NCR1: variants seen among roughly 807,000 people sequenced by gnomAD.
NCR1 encodes natural cytotoxicity triggering receptor 1, also known as NK cell-activating receptor.
Under a neutral mutation model 32.5 loss-of-function variants are expected in NCR1, and 30 were observed. That is an observed-to-expected ratio of 0.92 (90% CI 0.69 to 1.25). NCR1 has a LOEUF of 1.25. Among genes scored for constraint, NCR1 ranks in the 50% most tolerant of loss-of-function variants. The pLI is 0.00. For synonymous variants in NCR1, 169 were observed against 143.4 expected, an observed-to-expected ratio of 1.18 and a Z score of -1.28; for missense variants, 369 against 380.7, an observed-to-expected ratio of 0.97 and a Z score of 0.26.
the NCR1 span, among the ~76,000 whole-genome samples, chr19:54,929,224 C>A: frequency 6.6e-6 from 1 of 151,994 alleles, no homozygotes; most frequent in African/African-American, 2.4e-5. Flanking sequence ...CAAAAATTAG[C>A]TGGGTATGGT....
chr19:54,926,872 C>T, the NCR1 span, among the ~76,000 whole-genome samples: 4,457 of 146,762 alleles, frequency 0.03, 92 homozygotes, highest in Non-Finnish European at 0.046. Flanking sequence ...GCCGAGATAG[C>T]GCCACTGCAC....
At chr19:54,902,486 C>T (rs899559915), upstream of NCR1, among the ~76,000 whole-genome samples, 4 of 151,452 alleles carry the variant, frequency 2.6e-5, no homozygotes, top group Non-Finnish European at 5.9e-5. Context: ...TTTTTTTTTC[C>T]CCCAGGCTCG....
At chr19:54,933,971 C>T in the NCR1 span, among the ~76,000 whole-genome samples, 1 of 152,184 alleles carries the variant, frequency 6.6e-6, no homozygotes, top group Non-Finnish European at 1.5e-5. Context: ...GAGACGGAGT[C>T]TCGCTCTGTC....
intron 3 of NCR1, 120 bp downstream of exon 3, chr19:54,906,927 AG>A (rs1182349396): frequency 4.1e-6 from 5 of 1,214,676 alleles, no homozygotes; most frequent in Admixed American, 2.2e-5. Flanking sequence ...GGCTGGAAGG[AG>A]GGGTGATCCC....
chr19:54,929,721 C>A, the NCR1 span, among the ~76,000 whole-genome samples: 1 of 152,090 alleles, frequency 6.6e-6, no homozygotes, highest in Non-Finnish European at 1.5e-5. Flanking sequence ...TTCTCCAGGC[C>A]CTCTACCTGA....
chr19:54,906,591 A>G lies in NCR1; in HGVS notation c.139A>G (p.Ile47Val), dbSNP rs774314641. 1 of 1,614,028 alleles carries G rather than the reference A, an allele frequency of 6.2e-7. No homozygotes were observed. The highest frequency in any genetic ancestry group is 1.1e-5 in the South Asian group (1 of 91,092). The change falls in exon 3 of 7, where the codon ATC becomes GTC. Residue 47 changes from isoleucine to valine, a missense_variant. Physicochemically the swap from Ile to Val is conservative, Grantham distance 29 (BLOSUM62 3). Coordinates refer to ENST00000291890, the MANE Select transcript of NCR1 (RefSeq NM_004829.7). ...GGTTCCAAAGGAAAAGCAAGTGACC[A>G]TCTGTTGCCAGGGAAATTATGGGGC... ...FMVPKEKQVTICCQGNYGAVE... is the reference protein window; with the variant it reads ...FMVPKEKQVTVCCQGNYGAVE...
chr19:54,917,625 C>T (rs2068162650), downstream of NCR1, among the ~76,000 whole-genome samples: 1 of 152,096 alleles, frequency 6.6e-6, no homozygotes, highest in Non-Finnish European at 1.5e-5. Flanking sequence ...TAGGATCCTG[C>T]ACCTCTCTAG....
chr19:54,921,960 A>G, the NCR1 span, among the ~76,000 whole-genome samples: 11,794 of 151,232 alleles, frequency 0.078, 478 homozygotes, highest in East Asian at 0.15. Flanking sequence ...GCAGTGGCAC[A>G]ATCTCAGCTC....
chr19:54,907,597 C>T (rs777530652), intron 3 of NCR1, among the ~76,000 whole-genome samples: 3 of 150,440 alleles, frequency 2.0e-5, no homozygotes, highest in Non-Finnish European at 4.4e-5. Context: ...TTTATACCAG[C>T]AACACCAAAA....
At chr19:54,917,586 G>A (rs1319132810), downstream of NCR1, among the ~76,000 whole-genome samples, 1 of 152,140 alleles carries the variant, frequency 6.6e-6, no homozygotes, top group Non-Finnish European at 1.5e-5. Context: ...CTCCCAAAGT[G>A]CGAGGATTAC....
At chr19:54,923,031 C>G in the NCR1 span, among the ~76,000 whole-genome samples, 4 of 152,020 alleles carry the variant, frequency 2.6e-5, no homozygotes, top group Non-Finnish European at 5.9e-5. Flanking sequence ...GGGAGCCGAG[C>G]AGAACCAGCG....
downstream of NCR1, among the ~76,000 whole-genome samples, chr19:54,914,442 G>GCT (rs2068091762): frequency 6.6e-6 from 1 of 151,990 alleles, no homozygotes; most frequent in Non-Finnish European, 1.5e-5. Flanking sequence ...GGGTTCAAAT[G>GCT]ATTCTCCTGC....
chr19:54,905,653 A>T (rs975830879), upstream of NCR1, among the ~76,000 whole-genome samples: 7 of 152,192 alleles, frequency 4.6e-5, no homozygotes, highest in East Asian at 1.3e-3. Flanking sequence ...AAAGGGAGAG[A>T]TAAGGCTCAC....
chr19:54,927,976 C>A, the NCR1 span, among the ~76,000 whole-genome samples: 4 of 152,130 alleles, frequency 2.6e-5, no homozygotes, highest in Non-Finnish European at 4.4e-5. Flanking sequence ...ACCTGTAGCC[C>A]CAGCACCTTG....
chr19:54,921,772 C>CAAA, the NCR1 span, among the ~76,000 whole-genome samples: 56 of 93,804 alleles, frequency 6.0e-4, no homozygotes, highest in Non-Finnish European at 8.9e-4. Flanking sequence ...GACTCCATCT[C>CAAA]AAAAAAAAAA....
At chr19:54,902,495 C>T (rs1032470327), upstream of NCR1, among the ~76,000 whole-genome samples, 1 of 151,702 alleles carries the variant, frequency 6.6e-6, no homozygotes, top group Non-Finnish European at 1.5e-5. Flanking sequence ...CCCCCAGGCT[C>T]GTCTCAAGCA....
At chr19:54,903,568 G>C (rs1274525357), upstream of NCR1, among the ~76,000 whole-genome samples, 1 of 138,450 alleles carries the variant, frequency 7.2e-6, no homozygotes, top group Non-Finnish European at 1.6e-5. Context: ...ATACATATAT[G>C]TGTATATATA....
chr19:54,898,811 C>G, the NCR1 span, among the ~76,000 whole-genome samples: 18 of 152,226 alleles, frequency 1.2e-4, no homozygotes, highest in East Asian at 2.5e-3. Context: ...ATGCCTTTAG[C>G]TTCAGCCACC....
chr19:54,899,407 C>T, the NCR1 span, among the ~76,000 whole-genome samples: 1 of 151,316 alleles, frequency 6.6e-6, no homozygotes, highest in African/African-American at 2.4e-5. Context: ...AGGAGGCAAG[C>T]ACAGAGAAAA....
Sources: gnomAD v4.1 joint callset for allele counts (sites outside exome capture counted in the v4.1 genomes callset) on GRCh38, gnomAD v4.1.1 for gene constraint, MANE v1.5 for transcripts, NCBI Gene and HGNC (gene_info 2026-07-23, HGNC 2026-07-21) for gene names.